MBNL1: variants seen among roughly 807,000 people sequenced by gnomAD.
The protein encoded by MBNL1 is muscleblind-like protein 1.
MBNL1 carries 8 observed loss-of-function variants against 42.2 expected under a neutral mutation model. The ratio of observed to expected loss-of-function variants is 0.19; its 90% CI spans 0.11 to 0.34. The LOEUF (loss-of-function observed/expected upper bound fraction) is 0.34. MBNL1 is among the 10% of genes least tolerant of loss of function. The pLI is 1.00. For synonymous variants in MBNL1, 169 were observed against 173.9 expected (o/e 0.97, Z 0.22); for missense variants, 309 against 495.3 (o/e 0.62, Z 3.57).
At chr3:152,249,718 C>A (rs371740018) in intron 2 of MBNL1, among the ~76,000 whole-genome samples, 121 of 141,010 alleles carry the variant, frequency 8.6e-4, no homozygotes, top group South Asian at 1.5e-3. Flanking sequence ...AATGGTAATG[C>A]CTAGGTTTTC....
intron 4 of MBNL1, among the ~76,000 whole-genome samples, chr3:152,444,225 C>T (rs2153832755): frequency 6.6e-6 from 1 of 152,150 alleles, no homozygotes; most frequent in African/African-American, 2.4e-5. Flanking sequence ...TTTAGATGGC[C>T]CTCTTGTGGT....
chr3:152,355,904 C>A (rs2095480986), intron 2 of MBNL1, among the ~76,000 whole-genome samples: 1 of 152,162 alleles, frequency 6.6e-6, no homozygotes, highest in African/African-American at 2.4e-5. Context: ...CACAAGATAT[C>A]ATGTGCAACA....
chr3:152,311,583 T>A (rs2066505951), intron 2 of MBNL1, among the ~76,000 whole-genome samples: 2 of 152,194 alleles, frequency 1.3e-5, no homozygotes, highest in Admixed American at 1.3e-4. Context: ...TAGTTTATTT[T>A]AATTTTTTGT....
chr3:152,445,581 A>C, intron 5 of MBNL1, 42 bp downstream of exon 5: 1 of 1,564,096 alleles, frequency 6.4e-7, no homozygotes, highest in Non-Finnish European at 8.7e-7. Flanking sequence ...GCAGTCAGAA[A>C]AGCAAAGTGA....
chr3:152,458,260 A>T, intron 8 of MBNL1: 2 of 1,396,904 alleles, frequency 1.4e-6, no homozygotes, highest in Non-Finnish European at 2.0e-6. Context: ...AAAATTGTGT[A>T]AAAATGTCAG....
intron 1 of MBNL1, among the ~76,000 whole-genome samples, chr3:152,296,144 T>G (rs543153011): frequency 3.3e-5 from 5 of 152,202 alleles, no homozygotes; most frequent in Non-Finnish European, 5.9e-5. Context: ...CTTTAGATAT[T>G]TGCTTGGGAA....
chr3:152,334,630 C>T (rs985016227), intron 2 of MBNL1, among the ~76,000 whole-genome samples: 1 of 151,958 alleles, frequency 6.6e-6, no homozygotes, highest in Non-Finnish European at 1.5e-5. Context: ...GCCAAGATGG[C>T]AGATAGAATA....
At chr3:152,444,732 T>C (rs779164151) in intron 4 of MBNL1, among the ~76,000 whole-genome samples, 2 of 152,210 alleles carry the variant, frequency 1.3e-5, no homozygotes, top group Non-Finnish European at 2.9e-5. Flanking sequence ...TCCTCCAGCT[T>C]GTGATAATAT....
At chr3:152,440,184 G>T (rs2099127988) in intron 4 of MBNL1, among the ~76,000 whole-genome samples, 2 of 152,176 alleles carry the variant, frequency 1.3e-5, no homozygotes, top group Non-Finnish European at 2.9e-5. Context: ...GATCCTAACA[G>T]AAATACTATG....
At chr3:152,309,842 G>C (rs1455187348) in intron 2 of MBNL1, among the ~76,000 whole-genome samples, 2 of 152,146 alleles carry the variant, frequency 1.3e-5, no homozygotes, top group Non-Finnish European at 2.9e-5. Context: ...TTTATAACTA[G>C]TCTTTGCCTT....
At chr3:152,343,045 C>G (rs2093623070) in intron 2 of MBNL1, among the ~76,000 whole-genome samples, 1 of 152,104 alleles carries the variant, frequency 6.6e-6, no homozygotes, top group Admixed American at 6.6e-5. Context: ...AGTCTGTATG[C>G]TTTCTCTGTC....
At chr3:152,456,475 G>A in intron 8 of MBNL1, 114 bp downstream of exon 8, 3 of 794,316 alleles carry the variant, frequency 3.8e-6, no homozygotes, top group Non-Finnish European at 6.7e-6. Flanking sequence ...GTGTACGTGA[G>A]GGCTGTAGAG....
chr3:152,360,620 A>G (rs2095862396), intron 2 of MBNL1, among the ~76,000 whole-genome samples: 1 of 152,096 alleles, frequency 6.6e-6, no homozygotes, highest in Admixed American at 6.6e-5. Flanking sequence ...TAGGGCTCCC[A>G]TAGAACTCTG....
At chr3:152,342,928 C>G (rs1450192794) in intron 2 of MBNL1, among the ~76,000 whole-genome samples, 1 of 152,100 alleles carries the variant, frequency 6.6e-6, no homozygotes, top group Non-Finnish European at 1.5e-5. Context: ...ATAAATGTTT[C>G]TTTAAAAATA....
intron 2 of MBNL1, among the ~76,000 whole-genome samples, chr3:152,380,865 A>G (rs2097151154): frequency 6.6e-6 from 1 of 152,110 alleles, no homozygotes; most frequent in Non-Finnish European, 1.5e-5. Flanking sequence ...CAGACTCTGA[A>G]TAATCGAACT....
In MBNL1 at chr3:152,300,152, G is replaced by A. The variant is rs1377214682; in HGVS notation, c.-42G>A. On this transcript the variant is annotated 5_prime_UTR_variant, in exon 2 of 10. Transcript: ENST00000324210. ...GCTCTTTTTTGGGGGGGTTGGGTTT[G>A]TTGGTTTCACTGAAACATTTAACTA... 1 of 1,375,910 alleles carries A rather than the reference G, an allele frequency of 7.3e-7. No homozygotes were observed. Among genetic ancestry groups the A allele is most frequent in the Non-Finnish European group, 9.9e-7 (1 of 1,010,938 alleles). 85.2% of individuals were successfully genotyped at this position (1,375,910 alleles called of 1,614,324 possible). A position where few individuals can be genotyped will look rare whatever the true frequency, so the allele number is the denominator to read the frequency against.
rs115655529 is a variant in MBNL1, at chr3:152,271,323, A to G, written c.-790+2231A>G. On this transcript the variant is annotated intron_variant, in intron 1 of 9. Coordinates refer to ENST00000324210, the MANE Select transcript of MBNL1 (RefSeq NM_021038.5). Reference sequence around the variant, plus strand: ...ACTAACCCAAAATTTCTCCTGGGGGAAAAAAAAAGAGTAAAATTATATTTC... The same window carrying G: ...ACTAACCCAAAATTTCTCCTGGGGGGAAAAAAAAGAGTAAAATTATATTTC... 6.7e-3 allele frequency among the ~76,000 whole-genome samples: 1,013 copies of G among 151,422 alleles called. 11 individuals carry two copies. Among genetic ancestry groups the G allele is most frequent in the African/African-American group, 0.023 (963 of 41,222 alleles).
chr3:152,268,664 TCCTCCTGCTCTCGGCG>T (rs2037983642), upstream of MBNL1: 1 of 427,076 alleles, frequency 2.3e-6, no homozygotes, highest in Non-Finnish European at 4.7e-6. Context: ...GGCTCCGGCT[TCCTCCTGCTCTCGGCG>T]CCGCTGGGCG....
chr3:152,379,688 C>A (rs762739094), intron 2 of MBNL1, among the ~76,000 whole-genome samples: 2 of 152,096 alleles, frequency 1.3e-5, no homozygotes, highest in Non-Finnish European at 1.5e-5. Context: ...ATAATTGCTG[C>A]AAATATTGTT....
Sources: allele counts gnomAD v4.1 joint callset (sites outside exome capture counted in the v4.1 genomes callset), GRCh38; gene constraint gnomAD v4.1.1; transcripts MANE v1.5; gene names NCBI Gene and HGNC (gene_info 2026-07-23, HGNC 2026-07-21).